ACOX3: variants seen among roughly 807,000 people sequenced by gnomAD.
ACOX3 encodes the protein peroxisomal acyl-coenzyme A oxidase 3.
In ACOX3, 73 loss-of-function variants were observed where a neutral mutation model predicts 81.5. The ratio of observed to expected loss-of-function variants is 0.90; its 90% CI spans 0.74 to 1.09. The LOEUF is 1.09. Ranked by LOEUF, ACOX3 falls within the 50% of genes least tolerant of loss-of-function variation. The pLI is 0.00. For synonymous variants in ACOX3, 387 were observed against 375.1 expected (o/e 1.03, Z -0.37); for missense variants, 947 against 928.0 (o/e 1.02, Z -0.27).
In ACOX3 at chr4:8,405,757, T is replaced by A. The variant is rs1720863571; in HGVS notation, c.776+198A>T. ...GAAGCTGGTTTGCTGAGGTCTCTGA[T>A]CAAGTTGGCCTCCCAAAGTGGAGTT... On this transcript the variant is annotated intron_variant, in intron 7 of 17. Transcript: ENST00000356406. This position sits in a 1 kb window ranked among gnomAD's most constrained non-coding sequence, Gnocchi z 7.1. Among the ~76,000 whole-genome samples the A allele has an allele frequency of 6.6e-6, 1 of 152,172 alleles. No individual in the cohort carries two copies. The highest frequency in any genetic ancestry group is 1.5e-5 in the Non-Finnish European group (1 of 68,022).
intron 1 of ACOX3, among the ~76,000 whole-genome samples, chr4:8,429,785 G>T (rs1723843635): frequency 6.6e-6 from 1 of 152,194 alleles, no homozygotes; most frequent in Admixed American, 6.5e-5. Flanking sequence ...GAACAAGGAA[G>T]AGCCAGGCGT....
rs1400183319 is a variant in ACOX3 at position 8,407,900 on chromosome 4, GGAGA to G, written c.688-1861_688-1858del. Among the ~76,000 whole-genome samples, 1 of 152,200 alleles carries G rather than the reference GGAGA, an allele frequency of 6.6e-6. No homozygotes were observed. Among genetic ancestry groups the G allele is most frequent in the East Asian group, 1.9e-4 (1 of 5,190 alleles). On this transcript the variant is annotated intron_variant, in intron 6 of 17. Transcript: ENST00000356406. The surrounding 1 kb of genome is among the most constrained non-coding windows in gnomAD (Gnocchi z 4.6). Reference sequence around the variant, plus strand: ...CCACCAGGGGACACGGGTGGTGTCTGGAGAGATTCTGGTTGTGTTAACTGCAGGA... The same window carrying G: ...CCACCAGGGGACACGGGTGGTGTCTGGATTCTGGTTGTGTTAACTGCAGGA...
chr4:8,409,842 C>T (rs1218511085), intron 6 of ACOX3, among the ~76,000 whole-genome samples: 1 of 146,820 alleles, frequency 6.8e-6, no homozygotes, highest in African/African-American at 2.5e-5. Flanking sequence ...GCACTGTGGG[C>T]AGAGCTGTCT....
intron 10 of ACOX3, among the ~76,000 whole-genome samples, chr4:8,393,609 A>C (rs541836443): frequency 3.6e-4 from 42 of 116,770 alleles, no homozygotes; most frequent in Non-Finnish European, 7.5e-4. Context: ...AGGAAGACAC[A>C]CACACGCACA....
chr4:8,422,908 T>C (rs549061956), intron 1 of ACOX3, among the ~76,000 whole-genome samples: 2 of 152,296 alleles, frequency 1.3e-5, no homozygotes, highest in East Asian at 1.9e-4. Flanking sequence ...ATGCCCCTCA[T>C]GTCAAGGGAA....
rs932176098 is a variant in ACOX3 at position 8,432,394 on chromosome 4, C to T, written c.-15+8254G>A. On this transcript the variant is annotated intron_variant, in intron 1 of 17. Coordinates refer to ENST00000356406, the MANE Select transcript of ACOX3 (RefSeq NM_003501.3). This position sits in a 1 kb window ranked among gnomAD's most constrained non-coding sequence, Gnocchi z 6.2. ...GACTACAGGCGCCCACCACCACGCC[C>T]GGCTAATTTTTTGTATTTTTAGTAG... Among the ~76,000 whole-genome samples the T allele has an allele frequency of 6.6e-5, 10 of 152,068 alleles. No individual in the cohort carries two copies. In the South Asian group the frequency reaches 1.2e-3, roughly 19 times the overall value.
chr4:8,396,170 C>T (rs368581170), intron 9 of ACOX3, among the ~76,000 whole-genome samples: 2 of 152,302 alleles, frequency 1.3e-5, no homozygotes, highest in African/African-American at 2.4e-5. Context: ...GCTCTGTGCC[C>T]ACGCCACTGT....
chr4:8,434,879 G>A (rs1724137811), intron 1 of ACOX3, among the ~76,000 whole-genome samples: 1 of 152,186 alleles, frequency 6.6e-6, no homozygotes, highest in Non-Finnish European at 1.5e-5. Flanking sequence ...TTGACAAACA[G>A]GTGTGCCTTT....
At chr4:8,438,979 T>C (rs1215547116) in intron 1 of ACOX3, 2 of 152,180 alleles carry the variant, frequency 1.3e-5, no homozygotes, top group East Asian at 3.8e-4. Flanking sequence ...CAAGCCCGGC[T>C]CTAGTCACGC....
rs370761464 is a variant in ACOX3, at chr4:8,420,640, AC to A, written c.-14-4106del. Among the ~76,000 whole-genome samples, 1,099 of 152,166 alleles carry A rather than the reference AC, an allele frequency of 7.2e-3. 6 individuals carry two copies. Among genetic ancestry groups the A allele is most frequent in the Middle Eastern group, 0.02 (6 of 294 alleles). On this transcript the variant is annotated intron_variant, in intron 1 of 17. Coordinates refer to ENST00000356406, the MANE Select transcript of ACOX3 (RefSeq NM_003501.3). ...CCAGATCAGGCAACGCCCTTTGGGT[AC>A]CCCCCCGTTGAATGGGAGCTCTGTT...
intron 7 of ACOX3, among the ~76,000 whole-genome samples, chr4:8,402,808 A>G (rs1720516025): frequency 6.6e-6 from 1 of 152,198 alleles, no homozygotes; most frequent in African/African-American, 2.4e-5. Flanking sequence ...AGTGTGGCAC[A>G]GAAACCCTCA....
intron 13 of ACOX3, among the ~76,000 whole-genome samples, chr4:8,383,363 A>G (rs1007829370): frequency 1.3e-5 from 2 of 152,222 alleles, no homozygotes; most frequent in Non-Finnish European, 2.9e-5. Context: ...CTTTGTTGGG[A>G]AGAGGGTCTT....
chr4:8,365,075 CT>C, downstream of ACOX3, among the ~76,000 whole-genome samples: 1 of 152,314 alleles, frequency 6.6e-6, no homozygotes, highest in Non-Finnish European at 1.5e-5. Flanking sequence ...AGGGGGACCC[CT>C]GGTGGAAATC....
intron 1 of ACOX3, among the ~76,000 whole-genome samples, chr4:8,433,090 C>A (rs1724041615): frequency 6.6e-6 from 1 of 152,224 alleles, no homozygotes; most frequent in Non-Finnish European, 1.5e-5. Flanking sequence ...GGGTCAGATC[C>A]TTGACCTAAG....
In ACOX3 at chr4:8,390,105, C is replaced by CAAAAAA. The variant is rs752872641; in HGVS notation, c.1301-372_1301-371insTTTTTT. 3.9e-5 allele frequency among the ~76,000 whole-genome samples: 5 copies of CAAAAAA among 129,748 alleles called. 1 individual carries two copies. The highest frequency in any genetic ancestry group is 6.3e-5 in the Non-Finnish European group (4 of 62,996). 85.1% of individuals were successfully genotyped at this position (129,748 alleles called of 152,430 possible). ...GTGACAGAGCAAGACCCTGTCTCAA[C>CAAAAAA]AACAACAACAACAAAAAAAGCCATG... On this transcript the variant is annotated intron_variant, in intron 11 of 17. Transcript: ENST00000356406.
intron 1 of ACOX3, among the ~76,000 whole-genome samples, chr4:8,427,980 T>G (rs1723664321): frequency 6.6e-6 from 1 of 152,196 alleles, no homozygotes; most frequent in Non-Finnish European, 1.5e-5. Flanking sequence ...GGGTCTACCG[T>G]CTAGGCTTCT....
chr4:8,357,083 C>T, the ACOX3 span: 19 of 455,358 alleles, frequency 4.2e-5, no homozygotes, highest in Admixed American at 2.6e-4. Flanking sequence ...CTTACATGAT[C>T]CTGGCAGGTG....
chr4:8,371,118 G>C, intron 16 of ACOX3, 124 bp from the exon 17 acceptor site: 1 of 786,104 alleles, frequency 1.3e-6, no homozygotes, highest in Non-Finnish European at 2.1e-6. Context: ...CGGCACGTGC[G>C]GCTCTGCTGC....
chr4:8,434,355 G>C (rs1025497742), intron 1 of ACOX3, among the ~76,000 whole-genome samples: 2 of 152,234 alleles, frequency 1.3e-5, no homozygotes, highest in Admixed American at 1.3e-4. Context: ...TGTCTGAGGA[G>C]TTTTGTCTGC....
Sources: allele counts gnomAD v4.1 joint callset (sites outside exome capture counted in the v4.1 genomes callset), GRCh38; gene constraint gnomAD v4.1.1; non-coding constraint Gnocchi (gnomAD v3.1); transcripts MANE v1.5; gene names NCBI Gene and HGNC (gene_info 2026-07-23, HGNC 2026-07-21).